Variants in SLCO2A1 observed in about 807,000 individuals in gnomAD.
The protein encoded by SLCO2A1 is matrin F/G 1.
A neutral mutation model predicts 71.7 loss-of-function variants in SLCO2A1; 60 were observed. That is an observed-to-expected ratio of 0.84 (90% CI 0.68 to 1.04). The LOEUF is 1.04. Among genes scored for constraint, SLCO2A1 ranks in the 50% least tolerant of loss-of-function variants. SLCO2A1 has a pLI of 0.00. For missense variants in SLCO2A1, 745 were observed against 813.4 expected (o/e 0.92, Z 1.02); for synonymous variants, 308 against 326.7 (o/e 0.94, Z 0.62).
At chr3:133,953,186 G>A (rs541312599) in intron 5 of SLCO2A1, among the ~76,000 whole-genome samples, 7 of 152,134 alleles carry the variant, frequency 4.6e-5, no homozygotes, top group East Asian at 1.9e-4. Context: ...ACAGGCATCT[G>A]CCACCACGCC....
rs148545317 is a variant in SLCO2A1, at chr3:134,008,904, C to G, written c.96+20803G>C. Among the ~76,000 whole-genome samples, 810 of 152,318 alleles carry G rather than the reference C, an allele frequency of 5.3e-3. 4 individuals are homozygous for G. Among genetic ancestry groups the G allele is most frequent in the Middle Eastern group, 0.01 (3 of 294 alleles). On this transcript the variant is annotated intron_variant, in intron 1 of 13. Coordinates refer to ENST00000310926, the MANE Select transcript of SLCO2A1 (RefSeq NM_005630.3). ...CTGGAAAGCCATGACTCAACTGTGACAACAGATGGAAAAATGCAGTGGGAA... is the reference window on the plus strand; with the variant it reads ...CTGGAAAGCCATGACTCAACTGTGAGAACAGATGGAAAAATGCAGTGGGAA...
At chr3:134,011,939 G>A (rs1003194867) in intron 1 of SLCO2A1, among the ~76,000 whole-genome samples, 3 of 152,136 alleles carry the variant, frequency 2.0e-5, no homozygotes, top group African/African-American at 7.2e-5. Context: ...CAGATCTGGG[G>A]GCTGATGAGG....
chr3:134,008,415 C>G (rs1389004769), intron 1 of SLCO2A1, among the ~76,000 whole-genome samples: 1 of 152,152 alleles, frequency 6.6e-6, no homozygotes, highest in Non-Finnish European at 1.5e-5. Context: ...ATCCCAACAC[C>G]AGTCTTGGCC....
Position 133,941,985 on chromosome 3 carries a change from AT to A in SLCO2A1, c.1625+619del, listed in dbSNP as rs920875393. Among the ~76,000 whole-genome samples the A allele has an allele frequency of 4.5e-4, 68 of 150,678 alleles. 1 individual carries two copies. In the East Asian group the frequency reaches 5.7e-3, roughly 13 times the overall value. On this transcript the variant is annotated intron_variant, in intron 11 of 13. Coordinates refer to ENST00000310926, the MANE Select transcript of SLCO2A1 (RefSeq NM_005630.3). ...CTGGCTCTGCCATACTAGGCTAGTG[AT>A]TTTTTTTTTAATTATTATTATTTTT... is the stretch of plus-strand genomic sequence containing the variant.
At chr3:134,028,642 T>TC (rs1399558175) in intron 1 of SLCO2A1, among the ~76,000 whole-genome samples, 1 of 152,072 alleles carries the variant, frequency 6.6e-6, no homozygotes, top group Non-Finnish European at 1.5e-5. Context: ...TAATCTGGCT[T>TC]CCCCTTAATT....
chr3:134,028,882 C>G (rs78488225), intron 1 of SLCO2A1, among the ~76,000 whole-genome samples: 48 of 152,350 alleles, frequency 3.2e-4, no homozygotes, highest in Middle Eastern at 3.4e-3. Flanking sequence ...CCAGGTCCTC[C>G]TGGACCTGTG....
At chr3:133,968,970 T>C (rs1934259709) in intron 3 of SLCO2A1, among the ~76,000 whole-genome samples, 1 of 152,242 alleles carries the variant, frequency 6.6e-6, no homozygotes. Flanking sequence ...ATTCCCAAAA[T>C]GTTTAGCCCT....
At chr3:133,941,784 A>G (rs530182730) in intron 11 of SLCO2A1, among the ~76,000 whole-genome samples, 5 of 151,976 alleles carry the variant, frequency 3.3e-5, no homozygotes, top group African/African-American at 4.8e-5. Flanking sequence ...ATCCTTTTCC[A>G]TAGCCCTCAC....
At chr3:133,971,748 A>G (rs1290874144) in intron 3 of SLCO2A1, among the ~76,000 whole-genome samples, 1 of 152,214 alleles carries the variant, frequency 6.6e-6, no homozygotes, top group Non-Finnish European at 1.5e-5. Context: ...GTGAGCATCT[A>G]TGAACTAGGC....
intron 1 of SLCO2A1, among the ~76,000 whole-genome samples, chr3:133,992,570 T>C (rs191053375): frequency 7.2e-5 from 11 of 152,314 alleles, no homozygotes; most frequent in Non-Finnish European, 1.3e-4. Flanking sequence ...GGCTTGAATG[T>C]TGCCTTTTCC....
intron 1 of SLCO2A1, among the ~76,000 whole-genome samples, chr3:134,012,284 C>T (rs1291276869): frequency 1.3e-5 from 2 of 152,106 alleles, no homozygotes; most frequent in South Asian, 4.1e-4. Flanking sequence ...AACAGTGAAG[C>T]AAGTGACCAG....
intron 1 of SLCO2A1, among the ~76,000 whole-genome samples, chr3:134,000,707 C>T (rs1055145548): frequency 2.0e-5 from 3 of 152,178 alleles, no homozygotes; most frequent in Non-Finnish European, 2.9e-5. Context: ...CAAGACCAAT[C>T]CCCAATTTAA....
Position 133,979,545 on chromosome 3 carries a change from G to T in SLCO2A1, c.170C>A (p.Thr57Asn). 1 of 1,614,150 alleles carries T rather than the reference G, an allele frequency of 6.2e-7. No individual in the cohort carries two copies. Among genetic ancestry groups the T allele is most frequent in the Non-Finnish European group, 8.5e-7 (1 of 1,180,008 alleles). Residue 57 changes from threonine (T) to asparagine (N), a missense_variant, in exon 2 of 14, where the codon ACC becomes AAC. By Grantham distance (65) the Thr-to-Asn change is moderately conservative. Transcript: ENST00000310926. ...GAGCCCAAAGCGCTTCTCAATGGTG[G>T]TGAGGCTGCTCTTGAAGTAGGCGCT... Reference protein sequence around the residue: ...LYSAYFKSSLTTIEKRFGLSS... With the variant: ...LYSAYFKSSLNTIEKRFGLSS...
chr3:134,021,564 C>G (rs1347014015), intron 1 of SLCO2A1, among the ~76,000 whole-genome samples: 1 of 150,456 alleles, frequency 6.6e-6, no homozygotes, highest in Non-Finnish European at 1.5e-5. Context: ...CAAGGAAAGA[C>G]CAGCAGAGAG....
intron 1 of SLCO2A1, among the ~76,000 whole-genome samples, chr3:133,998,052 G>A (rs145713527): frequency 0.015 from 2,221 of 152,280 alleles, 25 homozygotes; most frequent in Middle Eastern, 0.041. Context: ...CCTTCAGCAA[G>A]AGCCGCCTCC....
chr3:133,952,292 C>T (rs1294058242), intron 5 of SLCO2A1, among the ~76,000 whole-genome samples: 1 of 152,214 alleles, frequency 6.6e-6, no homozygotes, highest in African/African-American at 2.4e-5. Context: ...GCAGATGGCA[C>T]TGTGGTCTGA....
intron 3 of SLCO2A1, among the ~76,000 whole-genome samples, chr3:133,965,799 T>TGGGAAAGA (rs71136500): frequency 0.5 from 76,473 of 151,498 alleles, 19,335 homozygotes; most frequent in South Asian, 0.57. Context: ...CCTTATTTTG[T>TGGGAAAGA]GTAAAGACCA....
chr3:133,956,435 AT>A (rs1162006164), intron 3 of SLCO2A1, among the ~76,000 whole-genome samples: 1 of 152,180 alleles, frequency 6.6e-6, no homozygotes, highest in Non-Finnish European at 1.5e-5. Context: ...TGCAGGACAC[AT>A]TAGAAAGTTG....
intron 1 of SLCO2A1, among the ~76,000 whole-genome samples, chr3:133,989,119 G>A (rs963801174): frequency 3.3e-5 from 5 of 152,030 alleles, no homozygotes; most frequent in Admixed American, 2.6e-4. Context: ...TGCATATGGC[G>A]CCAATTCACC....
Sources: allele counts gnomAD v4.1 joint callset (sites outside exome capture counted in the v4.1 genomes callset), GRCh38; gene constraint gnomAD v4.1.1; transcripts MANE v1.5; gene names NCBI Gene and HGNC (gene_info 2026-07-23, HGNC 2026-07-21).